The following MAGI2 variants were observed in gnomAD, a reference collection of about 807,000 sequenced individuals.
MAGI2 encodes the protein membrane-associated guanylate kinase, WW and PDZ domain-containing protein 2.
In MAGI2, 35 loss-of-function variants were observed where a neutral mutation model predicts 133.3. The ratio of observed to expected loss-of-function variants is 0.26; its 90% confidence interval spans 0.20 to 0.35. The LOEUF (loss-of-function observed/expected upper bound fraction) is 0.35, where lower values mean the gene tolerates loss of function less well. Ranked by LOEUF, MAGI2 falls within the 10% of genes least tolerant of loss-of-function variation. MAGI2 has a pLI of 1.00. For missense variants in MAGI2, 1,636 were observed against 1,863.4 expected (o/e 0.88, Z 2.25); for synonymous variants, 729 against 710.6 (o/e 1.03, Z -0.41).
intron 3 of MAGI2, among the ~76,000 whole-genome samples, chr7:78,612,733 G>C (rs1055726847): frequency 9.9e-5 from 15 of 151,964 alleles, no homozygotes; most frequent in African/African-American, 3.4e-4. Flanking sequence ...GCAGTGGAGG[G>C]ATCTCTGCTC....
At chr7:79,045,753 C>T (rs1456747220) in intron 1 of MAGI2, among the ~76,000 whole-genome samples, 4 of 152,134 alleles carry the variant, frequency 2.6e-5, no homozygotes, top group African/African-American at 9.7e-5. Flanking sequence ...GATCACGCCA[C>T]TGCACTCCAG....
chr7:78,064,251 T>C (rs1813584234), intron 21 of MAGI2, among the ~76,000 whole-genome samples: 2 of 152,094 alleles, frequency 1.3e-5, no homozygotes, highest in African/African-American at 4.8e-5. Flanking sequence ...AGTTACCTTT[T>C]GAGAGACATA....
At chr7:79,367,991 G>A (rs979945813) in intron 1 of MAGI2, among the ~76,000 whole-genome samples, 3 of 151,550 alleles carry the variant, frequency 2.0e-5, no homozygotes, top group African/African-American at 7.3e-5. Context: ...ACCCAAGCTT[G>A]TCTTCCACAG....
intron 5 of MAGI2, among the ~76,000 whole-genome samples, chr7:78,497,750 A>ATCTGTCTGTCTGTCTGTCTGTCTGTCTG (rs57912431): frequency 8.8e-6 from 1 of 113,410 alleles, no homozygotes; most frequent in African/African-American, 3.4e-5. Context: ...CTATCTATCT[A>ATCTGTCTGTCTGTCTGTCTGTCTGTCTG]TCTATCTATC....
chr7:78,303,385 A>C (rs907253972), intron 9 of MAGI2, among the ~76,000 whole-genome samples: 2 of 149,836 alleles, frequency 1.3e-5, no homozygotes, highest in African/African-American at 4.9e-5. Flanking sequence ...CTCCAAAAAA[A>C]AAAAAAAAAA....
intron 2 of MAGI2, among the ~76,000 whole-genome samples, chr7:78,907,732 A>T (rs1798089092): frequency 6.6e-6 from 1 of 152,152 alleles, no homozygotes; most frequent in African/African-American, 2.4e-5. Flanking sequence ...TTTCCACTAA[A>T]AAATTAGGCC....
chr7:78,637,062 AAC>A (rs1809742467), intron 2 of MAGI2, among the ~76,000 whole-genome samples: 1 of 152,170 alleles, frequency 6.6e-6, no homozygotes, highest in African/African-American at 2.4e-5. Context: ...CCAAAATAAA[AAC>A]AGTGTTAAAT....
intron 1 of MAGI2, among the ~76,000 whole-genome samples, chr7:79,231,910 G>A (rs987201180): frequency 1.3e-5 from 2 of 152,180 alleles, no homozygotes; most frequent in Non-Finnish European, 1.5e-5. Flanking sequence ...TGCCCATTCA[G>A]TATGATGCTG....
intron 7 of MAGI2, among the ~76,000 whole-genome samples, chr7:78,368,015 C>T (rs1793556944): frequency 6.6e-6 from 1 of 152,084 alleles, no homozygotes; most frequent in Non-Finnish European, 1.5e-5. Flanking sequence ...ACTATGCTAG[C>T]AGATTGCATG....
chr7:78,860,660 G>A (rs896101993), intron 2 of MAGI2, among the ~76,000 whole-genome samples: 6 of 152,296 alleles, frequency 3.9e-5, no homozygotes, highest in African/African-American at 1.4e-4. Flanking sequence ...CCCCTACTGG[G>A]AGGTGTCTCC....
intron 3 of MAGI2, among the ~76,000 whole-genome samples, chr7:78,601,884 C>G (rs1805244713): frequency 6.6e-6 from 1 of 152,168 alleles, no homozygotes; most frequent in African/African-American, 2.4e-5. Flanking sequence ...GCACACAGTA[C>G]AGTGGACACG....
Position 78,451,896 on chromosome 7 carries a change from G to C in MAGI2, c.1045+37865C>G, listed in dbSNP as rs533092098. ...TCCCTTTCTGGAGGATATCATTATAGGACTAGTATGCTTGGGATATGTGCT... is the reference window on the plus strand; with the variant it reads ...TCCCTTTCTGGAGGATATCATTATACGACTAGTATGCTTGGGATATGTGCT... On this transcript the variant is annotated intron_variant, in intron 6 of 21. Coordinates refer to ENST00000354212, the MANE Select transcript of MAGI2 (RefSeq NM_012301.4). Among the ~76,000 whole-genome samples, 5 of 152,136 alleles carry C rather than the reference G, an allele frequency of 3.3e-5. No homozygotes were observed. In the South Asian group the frequency reaches 6.2e-4, roughly 19 times the overall value.
At chr7:78,454,844 T>C (rs1789133594) in intron 6 of MAGI2, among the ~76,000 whole-genome samples, 1 of 152,088 alleles carries the variant, frequency 6.6e-6, no homozygotes. Flanking sequence ...ACTTCAACTA[T>C]GTGACATTCT....
intron 9 of MAGI2, among the ~76,000 whole-genome samples, chr7:78,301,454 C>T (rs1222837738): frequency 1.3e-5 from 2 of 152,150 alleles, no homozygotes; most frequent in Non-Finnish European, 2.9e-5. Flanking sequence ...TTTGGTGGAA[C>T]CAGGCATGCG....
intron 20 of MAGI2, among the ~76,000 whole-genome samples, chr7:78,109,094 G>A (rs1819034166): frequency 6.6e-6 from 1 of 151,416 alleles, no homozygotes; most frequent in African/African-American, 2.4e-5. Context: ...CACGAGGTCA[G>A]GAGATTGAGA....
intron 2 of MAGI2, among the ~76,000 whole-genome samples, chr7:78,931,569 A>G (rs1800126328): frequency 6.6e-6 from 1 of 151,652 alleles, no homozygotes; most frequent in African/African-American, 2.4e-5. Context: ...TAGAGTAAAT[A>G]AGAAATAAAA....
intron 1 of MAGI2, among the ~76,000 whole-genome samples, chr7:79,339,109 G>A (rs1585627560): frequency 6.6e-6 from 1 of 152,030 alleles, no homozygotes; most frequent in Admixed American, 6.6e-5. Context: ...TTTGCCGTAA[G>A]TTATTTTAAG....
intron 21 of MAGI2, among the ~76,000 whole-genome samples, chr7:78,064,888 A>G (rs3779319): frequency 0.15 from 22,613 of 152,094 alleles, 1,960 homozygotes; most frequent in Middle Eastern, 0.2. Context: ...TTTCCTTGAG[A>G]TTTTTTAACC....
At chr7:78,545,522 T>G (rs1798762380) in intron 3 of MAGI2, among the ~76,000 whole-genome samples, 1 of 152,148 alleles carries the variant, frequency 6.6e-6, no homozygotes, top group African/African-American at 2.4e-5. Context: ...CCAAATAAAC[T>G]GATGCTTATG....
Sources: allele counts gnomAD v4.1 joint callset (sites outside exome capture counted in the v4.1 genomes callset), GRCh38; gene constraint gnomAD v4.1.1; transcripts MANE v1.5; gene names NCBI Gene and HGNC (gene_info 2026-07-23, HGNC 2026-07-21).